ZNF532: variants seen among roughly 807,000 people sequenced by gnomAD.
ZNF532 encodes the protein zinc finger protein 532.
In ZNF532, 22 loss-of-function variants were observed where a neutral mutation model predicts 89.3. The observed-to-expected ratio is 0.25, with a 90% CI of 0.18 to 0.35. ZNF532 has a LOEUF of 0.35. ZNF532 is among the 10% of genes least tolerant of loss of function. The pLI is 1.00. For synonymous variants in ZNF532, 606 were observed against 649.6 expected (o/e 0.93, Z 1.02); for missense variants, 1,132 against 1,643.4 (o/e 0.69, Z 5.38).
intron 2 of ZNF532, among the ~76,000 whole-genome samples, chr18:58,876,197 G>T (rs1489473865): frequency 6.6e-6 from 1 of 152,134 alleles, no homozygotes; most frequent in African/African-American, 2.4e-5. Flanking sequence ...GCCTCCCAAA[G>T]TGCTGGGATT....
chr18:58,886,316 T>C (rs1349789913), intron 2 of ZNF532, among the ~76,000 whole-genome samples: 1 of 152,184 alleles, frequency 6.6e-6, no homozygotes, highest in Non-Finnish European at 1.5e-5. Context: ...GAATTTTACG[T>C]GTCTATATGC....
intron 2 of ZNF532, among the ~76,000 whole-genome samples, chr18:58,872,123 G>A (rs1346756045): frequency 1.3e-5 from 2 of 152,146 alleles, no homozygotes; most frequent in Non-Finnish European, 2.9e-5. Flanking sequence ...GACGCAGAGC[G>A]GCTTTTTTAG....
At chr18:58,973,792 C>T (rs749306166) in intron 7 of ZNF532, among the ~76,000 whole-genome samples, 1 of 152,150 alleles carries the variant, frequency 6.6e-6, no homozygotes, top group Non-Finnish European at 1.5e-5. Flanking sequence ...CACACTGGAA[C>T]ACTAGTCAGC....
chr18:58,984,613 GTA>G lies in ZNF532; in HGVS notation c.*153_*154del. 1.1e-6 allele frequency: 1 copy of G among 916,404 alleles called. No homozygotes were observed. Among genetic ancestry groups the G allele is most frequent in the Non-Finnish European group, 1.6e-6 (1 of 618,720 alleles). The allele number at this position is 916,404 out of a possible 1,614,324, so 56.8% of individuals were successfully genotyped here. A position where few individuals can be genotyped will look rare whatever the true frequency, so the allele number is the denominator to read the frequency against. The stretch of plus-strand genomic sequence containing the variant: ...TCAATGTACCTTCCTTCACCTCGTC[GTA>G]TATATCCTCGATAAGTATTAAAACA... On this transcript the variant is annotated 3_prime_UTR_variant, in exon 10 of 10. Transcript: ENST00000591808.
At chr18:58,945,389 C>T (rs1256995484) in intron 5 of ZNF532, among the ~76,000 whole-genome samples, 7 of 152,210 alleles carry the variant, frequency 4.6e-5, no homozygotes, top group East Asian at 3.8e-4. Context: ...CCTTCATCAT[C>T]GAGGCGAGGC....
At chr18:58,889,151 C>G (rs2058710892) in intron 2 of ZNF532, among the ~76,000 whole-genome samples, 1 of 151,558 alleles carries the variant, frequency 6.6e-6, no homozygotes, top group African/African-American at 2.4e-5. Context: ...AGACCTCTTA[C>G]AAATCATGTT....
rs143994649 is a variant in ZNF532, at chr18:58,984,312, G to T, written c.3752G>T (p.Ser1251Ile). Residue 1251 changes from serine (S) to isoleucine (I), a missense_variant, in exon 10 of 10, where the codon AGC becomes ATC. Transcript: ENST00000591808. ...GEDNQQENKPSHEDESPDGAV... is the reference protein window; with the variant it reads ...GEDNQQENKPIHEDESPDGAV... ...GATAACCAACAGGAGAACAAACCCA[G>T]CCACGAGGATGAATCCCCTGATGGC... 6 of 1,611,828 alleles carry T rather than the reference G, an allele frequency of 3.7e-6. No homozygotes were observed. In the African/African-American group the frequency reaches 8.0e-5, roughly 22 times the overall value.
intron 9 of ZNF532, 112 bp downstream of exon 9, chr18:58,981,729 C>T (rs564452698): frequency 3.5e-6 from 5 of 1,429,046 alleles, no homozygotes; most frequent in African/African-American, 2.8e-5. Flanking sequence ...AAAATTCAGA[C>T]TGGCTGGGTG....
At position 58,948,107 on chromosome 18, in the gene ZNF532, C is replaced by T. The variant is rs2146911508; in HGVS notation, c.2746C>T (p.Leu916=). The T allele has an allele frequency of 6.2e-7, 1 of 1,613,796 alleles. No individual in the cohort carries two copies. The highest frequency in any genetic ancestry group is 8.5e-7 in the Non-Finnish European group (1 of 1,179,812). Residue 916 remains leucine (L), a synonymous_variant, in exon 6 of 10, where the codon CTG becomes TTG. Coordinates refer to ENST00000591808, the MANE Select transcript of ZNF532 (RefSeq NM_001375912.1). ...TTCCATGTGCGACACTGTGTTCACC[C>T]TGCAAACCTTGCTGTATCGCCACTT... is the stretch of plus-strand genomic sequence containing the variant. ...KCSMCDTVFT[L]QTLLYRHFDQ...
At chr18:58,923,643 C>T (rs1484106067) in intron 3 of ZNF532, among the ~76,000 whole-genome samples, 1 of 152,102 alleles carries the variant, frequency 6.6e-6, no homozygotes, top group Non-Finnish European at 1.5e-5. Context: ...GAGAAAATAG[C>T]CTTTGTTTCA....
Position 58,979,155 on chromosome 18 carries a change from T to C in ZNF532, c.3251T>C (p.Val1084Ala). Reference protein sequence around the residue: ...NRIKHKGIRKVYACSHCPDSR... With the variant: ...NRIKHKGIRKAYACSHCPDSR... ...ATCAAGCACAAAGGCATCAGGAAAG[T>C]GTACGCCTGCTCGTAAGTCCTGGTT... is the stretch of plus-strand genomic sequence containing the variant. Residue 1084 changes from valine to alanine, a missense_variant, in exon 8 of 10, where the codon GTG becomes GCG. Physicochemically the swap from Val to Ala is moderately conservative, Grantham distance 64. Transcript: ENST00000591808. 1.9e-6 allele frequency: 3 copies of C among 1,611,188 alleles called. No homozygotes were observed. The highest frequency in any genetic ancestry group is 2.5e-6 in the Non-Finnish European group (3 of 1,177,574).
At position 58,939,371 on chromosome 18, in the gene ZNF532, A is replaced by G. The variant is rs535734820; in HGVS notation, c.2529-74A>G. Reference sequence around the variant, plus strand: ...CTAAAAGGGCTATGAAAGTGTGTTCATCTCACCCAGTTTTTGCAGTTACAC... The same window carrying G: ...CTAAAAGGGCTATGAAAGTGTGTTCGTCTCACCCAGTTTTTGCAGTTACAC... On this transcript the variant is annotated intron_variant, in intron 4 of 9. Transcript: ENST00000591808. 5.9e-6 allele frequency: 8 copies of G among 1,360,734 alleles called. No individual in the cohort carries two copies. The African/African-American group carries it at 8.7e-5, about 15-fold the overall frequency. The allele number at this position is 1,360,734 out of a possible 1,614,324, so 84.3% of individuals were successfully genotyped here. A position where few individuals can be genotyped will look rare whatever the true frequency, so the allele number is the denominator to read the frequency against.
intron 5 of ZNF532, chr18:58,939,845 C>T (rs1026668252): frequency 8.2e-6 from 3 of 366,302 alleles, no homozygotes; most frequent in African/African-American, 4.2e-5. Context: ...ATGCTCTTGT[C>T]ACGAATTTTT....
At chr18:58,875,707 A>C (rs2057366856) in intron 2 of ZNF532, among the ~76,000 whole-genome samples, 1 of 152,140 alleles carries the variant, frequency 6.6e-6, no homozygotes, top group African/African-American at 2.4e-5. Context: ...GTTGAGACTC[A>C]CAGCTTGAGT....
chr18:58,929,406 G>A (rs1024630092), intron 3 of ZNF532, among the ~76,000 whole-genome samples: 15 of 152,134 alleles, frequency 9.9e-5, no homozygotes, highest in African/African-American at 3.1e-4. Flanking sequence ...TCTAGATCCC[G>A]CTCTGCTCAG....
intron 4 of ZNF532, among the ~76,000 whole-genome samples, chr18:58,935,844 AT>A (rs148057701): frequency 0.11 from 16,694 of 150,334 alleles, 961 homozygotes; most frequent in Admixed American, 0.14. Context: ...ATATGCAGTG[AT>A]TTTTTTTTTC....
chr18:58,938,030 T>C (rs1242499743), intron 4 of ZNF532, among the ~76,000 whole-genome samples: 1 of 152,218 alleles, frequency 6.6e-6, no homozygotes, highest in Non-Finnish European at 1.5e-5. Context: ...ACAGAATGCT[T>C]GCAAAGCTTA....
intron 2 of ZNF532, among the ~76,000 whole-genome samples, chr18:58,869,518 T>C (rs1211305646): frequency 1.3e-5 from 2 of 152,304 alleles, no homozygotes; most frequent in South Asian, 2.1e-4. Context: ...AAAACAACAA[T>C]AGAATAGAAA....
intron 2 of ZNF532, among the ~76,000 whole-genome samples, chr18:58,888,318 A>G (rs539036513): frequency 2.4e-3 from 362 of 152,260 alleles, no homozygotes; most frequent in Non-Finnish European, 4.4e-3. Flanking sequence ...AGAATGTACA[A>G]TGTCACGTTT....
Sources: gnomAD v4.1 joint callset for allele counts (sites outside exome capture counted in the v4.1 genomes callset) on GRCh38, gnomAD v4.1.1 for gene constraint, MANE v1.5 for transcripts, NCBI Gene and HGNC (gene_info 2026-07-23, HGNC 2026-07-21) for gene names.